Variants in LRRC1 observed in about 807,000 individuals in gnomAD.
LRRC1 encodes the protein leucine-rich repeat-containing protein 1.
LRRC1 carries 28 observed loss-of-function variants against 69.9 expected under a neutral mutation model. The ratio of observed to expected loss-of-function variants is 0.40; its 90% CI spans 0.30 to 0.55. The LOEUF (loss-of-function observed/expected upper bound fraction) is 0.55, where lower values mean the gene tolerates loss of function less well. Ranked by LOEUF, LRRC1 falls within the 20% of genes least tolerant of loss-of-function variation. LRRC1 has a pLI of 0.47. For missense variants in LRRC1, 498 were observed against 609.0 expected, an observed-to-expected ratio of 0.82 and a Z score of 1.92; for synonymous variants, 236 against 240.2, an observed-to-expected ratio of 0.98 and a Z score of 0.16.
intron 3 of LRRC1, 123 bp downstream of exon 3, chr6:53,879,194 G>A: frequency 1.6e-6 from 1 of 640,942 alleles, no homozygotes; most frequent in Non-Finnish European, 2.8e-6. Flanking sequence ...CTTTATCAAG[G>A]ATGGTTGACT....
At chr6:53,865,021 A>G (rs1049370037) in intron 2 of LRRC1, among the ~76,000 whole-genome samples, 1 of 152,160 alleles carries the variant, frequency 6.6e-6, no homozygotes, top group African/African-American at 2.4e-5. Flanking sequence ...ATACCATGGC[A>G]GCCAGCTGGA....
chr6:53,878,233 T>C (rs1314904882), intron 2 of LRRC1, among the ~76,000 whole-genome samples: 1 of 152,118 alleles, frequency 6.6e-6, no homozygotes, highest in Non-Finnish European at 1.5e-5. Context: ...CAAGATGAGA[T>C]TTGGGTGGGG....
rs117572539 is a variant in LRRC1, at chr6:53,920,924, A to C, written c.1416+163A>C. 1,786 of 729,932 alleles carry C rather than the reference A, an allele frequency of 2.4e-3. 31 individuals carry two copies. The East Asian group carries it at 0.031, about 13-fold the overall frequency. The allele number at this position is 729,932 out of a possible 1,614,324, so 45.2% of individuals were successfully genotyped here. On this transcript the variant is annotated intron_variant, in intron 13 of 13. Coordinates refer to ENST00000370888, the MANE Select transcript of LRRC1 (RefSeq NM_018214.5). ...CAAAGATAGGTAATTCTAGGTACTCACTCACAAAAGGTAAATGAGGCAAAT... is the reference window on the plus strand; with the variant it reads ...CAAAGATAGGTAATTCTAGGTACTCCCTCACAAAAGGTAAATGAGGCAAAT...
intron 2 of LRRC1, among the ~76,000 whole-genome samples, chr6:53,856,625 A>G (rs1462687298): frequency 1.3e-5 from 2 of 152,226 alleles, no homozygotes; most frequent in Non-Finnish European, 2.9e-5. Context: ...GGGAAATGCA[A>G]GAAATTACTG....
intron 9 of LRRC1, among the ~76,000 whole-genome samples, chr6:53,903,165 G>A (rs1186230650): frequency 6.6e-6 from 1 of 152,136 alleles, no homozygotes; most frequent in Non-Finnish European, 1.5e-5. Context: ...ATGGACGTTG[G>A]CCAGGAAAAG....
intron 1 of LRRC1, among the ~76,000 whole-genome samples, chr6:53,808,092 T>C (rs1764688266): frequency 6.6e-6 from 1 of 152,202 alleles, no homozygotes; most frequent in African/African-American, 2.4e-5. Context: ...ATGAGATACC[T>C]GATTTATGTT....
chr6:53,834,911 G>C (rs997500406), intron 1 of LRRC1, among the ~76,000 whole-genome samples: 6 of 152,256 alleles, frequency 3.9e-5, no homozygotes, highest in South Asian at 4.1e-4. Flanking sequence ...GCAGTGAGCC[G>C]AGATCATGCC....
At chr6:53,812,249 G>A (rs1764812465) in intron 1 of LRRC1, among the ~76,000 whole-genome samples, 1 of 152,180 alleles carries the variant, frequency 6.6e-6, no homozygotes, top group Non-Finnish European at 1.5e-5. Context: ...AAGGGAACAA[G>A]ACTGGAGGAG....
chr6:53,905,830 A>C (rs1192129308), intron 10 of LRRC1, among the ~76,000 whole-genome samples: 1 of 152,252 alleles, frequency 6.6e-6, no homozygotes, highest in Non-Finnish European at 1.5e-5. Context: ...GAACACTGTC[A>C]TCTAAGTAAA....
chr6:53,840,147 T>A (rs1488198996), intron 1 of LRRC1, among the ~76,000 whole-genome samples: 1 of 152,192 alleles, frequency 6.6e-6, no homozygotes, highest in Non-Finnish European at 1.5e-5. Flanking sequence ...ACTTACATAT[T>A]TTGATGGAGT....
intron 1 of LRRC1, among the ~76,000 whole-genome samples, chr6:53,806,945 A>G (rs893895865): frequency 1.3e-5 from 2 of 152,232 alleles, no homozygotes; most frequent in Non-Finnish European, 2.9e-5. Context: ...AAAATGGTTG[A>G]ATTTGGCTGG....
At chr6:53,809,317 G>A (rs1216211965) in intron 1 of LRRC1, among the ~76,000 whole-genome samples, 1 of 152,174 alleles carries the variant, frequency 6.6e-6, no homozygotes, top group Non-Finnish European at 1.5e-5. Flanking sequence ...GGGAAAACAA[G>A]CATTTTACAA....
intron 10 of LRRC1, among the ~76,000 whole-genome samples, chr6:53,911,972 T>G (rs886620668): frequency 1.3e-5 from 2 of 152,232 alleles, no homozygotes; most frequent in Admixed American, 1.3e-4. Context: ...TAAGAAAGGC[T>G]ACTCTGGTGA....
At chr6:53,877,501 T>A (rs1427003934) in intron 2 of LRRC1, among the ~76,000 whole-genome samples, 1 of 152,222 alleles carries the variant, frequency 6.6e-6, no homozygotes, top group Non-Finnish European at 1.5e-5. Context: ...TCCCAAATTT[T>A]ATGCTCTGCT....
chr6:53,795,100 C>T lies in LRRC1; in HGVS notation c.-157C>T, dbSNP rs1764247230. 2 of 658,534 alleles carry T rather than the reference C, an allele frequency of 3.0e-6. No homozygotes were observed. Among genetic ancestry groups the T allele is most frequent in the South Asian group, 2.1e-5 (1 of 47,436 alleles). The allele number at this position is 658,534 out of a possible 1,614,324, so 40.8% of individuals were successfully genotyped here. A position where few individuals can be genotyped will look rare whatever the true frequency, so the allele number is the denominator to read the frequency against. On this transcript the variant is annotated 5_prime_UTR_variant, in exon 1 of 14. Transcript: ENST00000370888. The stretch of plus-strand genomic sequence containing the variant: ...CTCCCGCTCCAGGTTCCTTGAAGCA[C>T]TTCCGACCGCGAAGCCCGGCGCGAG...
intron 1 of LRRC1, among the ~76,000 whole-genome samples, chr6:53,820,871 A>T (rs1765095201): frequency 6.6e-6 from 1 of 152,216 alleles, no homozygotes; most frequent in South Asian, 2.1e-4. Context: ...AAGGGAAAAA[A>T]GAACAGGGCC....
In LRRC1 at chr6:53,919,732, T is replaced by C. The variant is rs9296724; in HGVS notation, c.1279+62T>C. The C allele has an allele frequency of 3.8e-4, 542 of 1,445,228 alleles. 2 individuals are homozygous for C. In the African/African-American group the frequency reaches 6.6e-3, roughly 18 times the overall value. The allele number at this position is 1,445,228 out of a possible 1,614,324, so 89.5% of individuals were successfully genotyped here. On this transcript the variant is annotated intron_variant, in intron 12 of 13. Coordinates refer to ENST00000370888, the MANE Select transcript of LRRC1 (RefSeq NM_018214.5). ...GAGATTGAGTAGGACCTAATGTCTG[T>C]CCATAAGGCCTCTTACTCCCTCATG...
intron 3 of LRRC1, among the ~76,000 whole-genome samples, chr6:53,881,721 C>A (rs1581896215): frequency 6.6e-6 from 1 of 152,144 alleles, no homozygotes; most frequent in South Asian, 2.1e-4. Context: ...GAGACCATCA[C>A]TAAAGCCAGA....
At chr6:53,898,998 T>G (rs1198422876) in intron 7 of LRRC1, among the ~76,000 whole-genome samples, 1 of 152,096 alleles carries the variant, frequency 6.6e-6, no homozygotes, top group Non-Finnish European at 1.5e-5. Context: ...AAAGGGGAAG[T>G]TAAGACTAGA....
Sources: allele counts gnomAD v4.1 joint callset (sites outside exome capture counted in the v4.1 genomes callset), GRCh38; gene constraint gnomAD v4.1.1; transcripts MANE v1.5; gene names NCBI Gene and HGNC (gene_info 2026-07-23, HGNC 2026-07-21).